The following RBMS2 variants were observed in gnomAD, a reference collection of about 807,000 sequenced individuals.
RBMS2 encodes RNA binding motif single stranded interacting protein 2.
RBMS2 carries 38 observed loss-of-function variants against 58.4 expected under a neutral mutation model. That is an observed-to-expected ratio of 0.65 (90% CI 0.50 to 0.85). The LOEUF (loss-of-function observed/expected upper bound fraction) is 0.85, where lower values mean the gene tolerates loss of function less well. RBMS2 is among the 40% of genes least tolerant of loss of function. RBMS2 has a pLI of 0.00. For missense variants in RBMS2, 367 were observed against 503.7 expected, an observed-to-expected ratio of 0.73 and a Z score of 2.60; for synonymous variants, 151 against 180.7, an observed-to-expected ratio of 0.84 and a Z score of 1.32.
At chr12:56,536,017 A>G (rs1592338057) in intron 1 of RBMS2, among the ~76,000 whole-genome samples, 2 of 151,972 alleles carry the variant, frequency 1.3e-5, no homozygotes, top group South Asian at 4.2e-4. Flanking sequence ...CCTAGCCAAC[A>G]TGGCGAAACC....
intron 5 of RBMS2, among the ~76,000 whole-genome samples, chr12:56,576,080 G>A (rs1883087060): frequency 6.6e-6 from 1 of 152,006 alleles, no homozygotes; most frequent in African/African-American, 2.4e-5. Flanking sequence ...GCTCATGTCT[G>A]TAATCCCAAC....
chr12:56,543,917 C>T (rs1048099957), intron 1 of RBMS2, among the ~76,000 whole-genome samples: 3 of 151,820 alleles, frequency 2.0e-5, no homozygotes, highest in Non-Finnish European at 4.4e-5. Flanking sequence ...ATCCGCCCAC[C>T]TCAGCCTCCC....
chr12:56,538,734 C>T (rs922052933), intron 1 of RBMS2, among the ~76,000 whole-genome samples: 2 of 151,824 alleles, frequency 1.3e-5, no homozygotes, highest in African/African-American at 4.8e-5. Flanking sequence ...CCCGCCTTGG[C>T]CTCCCAAAGT....
At chr12:56,522,569 A>G (rs1285725872) in intron 1 of RBMS2, among the ~76,000 whole-genome samples, 1 of 152,204 alleles carries the variant, frequency 6.6e-6, no homozygotes, top group Non-Finnish European at 1.5e-5. Context: ...ACAACAGTTT[A>G]TCAAGAGCTG....
intron 2 of RBMS2, 143 bp from the exon 3 acceptor site, chr12:56,568,832 C>T (rs955307712): frequency 3.7e-5 from 26 of 700,996 alleles, no homozygotes; most frequent in South Asian, 1.2e-4. Context: ...ACCCGGCCCC[C>T]GTTTCTTTTT....
intron 1 of RBMS2, among the ~76,000 whole-genome samples, chr12:56,534,289 T>C (rs909516727): frequency 3.3e-5 from 5 of 152,236 alleles, no homozygotes; most frequent in African/African-American, 9.6e-5. Flanking sequence ...TTGTGTTTGT[T>C]CATTTTTGCT....
chr12:56,528,495 A>C (rs1346320011), intron 1 of RBMS2, among the ~76,000 whole-genome samples: 6 of 152,178 alleles, frequency 3.9e-5, no homozygotes, highest in Non-Finnish European at 2.9e-5. Flanking sequence ...CAGAACCCAA[A>C]TAGAAAGTAG....
intron 1 of RBMS2, among the ~76,000 whole-genome samples, chr12:56,536,200 C>CAAA (rs71446560): frequency 1.6e-4 from 12 of 76,434 alleles, no homozygotes; most frequent in African/African-American, 6.4e-4. Flanking sequence ...AACTCTGTCT[C>CAAA]AAAAAAAAAA....
chr12:56,525,520 C>CATTT (rs1555186107), intron 1 of RBMS2, among the ~76,000 whole-genome samples: 10 of 152,072 alleles, frequency 6.6e-5, no homozygotes, highest in Middle Eastern at 3.4e-3. Flanking sequence ...CTGTCTGGCC[C>CATTT]ATTTATTTAT....
In RBMS2 at chr12:56,590,664, G is replaced by A. The variant is rs1328999051; in HGVS notation, c.*1531G>A. 1 of 152,208 alleles carries A rather than the reference G, an allele frequency of 6.6e-6. No homozygotes were observed. Among genetic ancestry groups the A allele is most frequent in the African/African-American group, 2.4e-5 (1 of 41,448 alleles). The allele number at this position is 152,208 out of a possible 1,614,324, so 9.4% of individuals were successfully genotyped here. A position where few individuals can be genotyped will look rare whatever the true frequency, so the allele number is the denominator to read the frequency against. On this transcript the variant is annotated 3_prime_UTR_variant, in exon 14 of 14. Transcript: ENST00000262031. ...GACTGGGATCCTTGAATTCTCCCCA[G>A]ACTTTGACTTTTGATAACTCTGCAT...
At chr12:56,573,724 A>G (rs1285210342) in intron 5 of RBMS2, among the ~76,000 whole-genome samples, 2 of 150,274 alleles carry the variant, frequency 1.3e-5, no homozygotes, top group Non-Finnish European at 3.0e-5. Context: ...TAACAGTTCA[A>G]TTTATTAAGT....
intron 1 of RBMS2, among the ~76,000 whole-genome samples, chr12:56,522,520 A>G (rs1565720723): frequency 1.3e-5 from 2 of 152,078 alleles, no homozygotes; most frequent in Non-Finnish European, 2.9e-5. Context: ...TACCACCAGT[A>G]GTATTAGATA....
chr12:56,553,323 T>G (rs140658880), intron 1 of RBMS2, among the ~76,000 whole-genome samples: 189 of 151,914 alleles, frequency 1.2e-3, no homozygotes, highest in African/African-American at 4.3e-3. Context: ...GGCTAATTTT[T>G]GTATTTCTTT....
chr12:56,536,249 G>A (rs1237744480), intron 1 of RBMS2, among the ~76,000 whole-genome samples: 1 of 150,586 alleles, frequency 6.6e-6, no homozygotes, highest in Non-Finnish European at 1.5e-5. Flanking sequence ...CTGGAAGGGC[G>A]AGGCAGGCAG....
intron 1 of RBMS2, among the ~76,000 whole-genome samples, chr12:56,546,163 G>C (rs971249288): frequency 3.3e-5 from 5 of 150,308 alleles, no homozygotes; most frequent in African/African-American, 9.7e-5. Context: ...TGTCGCCCAG[G>C]CTGGAGTGCA....
rs572173539 is a variant in RBMS2, at chr12:56,541,867, C to T, written c.66+19778C>T. On this transcript the variant is annotated intron_variant, in intron 1 of 13. Coordinates refer to ENST00000262031, the MANE Select transcript of RBMS2 (RefSeq NM_002898.4). ...AAGAAGGGAGGGGTGATATGCTAAA[C>T]GCTTGGCTGTCTACATTGAAAGAAA... Among the ~76,000 whole-genome samples the T allele has an allele frequency of 3.9e-5, 6 of 152,250 alleles. No homozygotes were observed. In the South Asian group the frequency reaches 1.2e-3, roughly 32 times the overall value.
intron 2 of RBMS2, among the ~76,000 whole-genome samples, chr12:56,568,539 C>CTTT: frequency 7.3e-6 from 1 of 136,084 alleles, no homozygotes; most frequent in Admixed American, 7.8e-5. Context: ...TCTTTTTTTT[C>CTTT]TTTTTTTTTT....
At position 56,550,843 on chromosome 12, in the gene RBMS2, A is replaced by G. The variant is rs1482846381; in HGVS notation, c.67-11574A>G. Among the ~76,000 whole-genome samples, 5 of 151,288 alleles carry G rather than the reference A, an allele frequency of 3.3e-5. No individual in the cohort carries two copies. The South Asian group carries it at 8.3e-4, about 25-fold the overall frequency. ...GGTGACAGAGCAAGACTCTGTATCA[A>G]AAAAATAAATAAATAAATAAATAAT... On this transcript the variant is annotated intron_variant, in intron 1 of 13. Coordinates refer to ENST00000262031, the MANE Select transcript of RBMS2 (RefSeq NM_002898.4).
intron 1 of RBMS2, among the ~76,000 whole-genome samples, chr12:56,543,412 G>GA (rs2136310684): frequency 7.6e-6 from 1 of 132,286 alleles, no homozygotes; most frequent in South Asian, 3.1e-4. Flanking sequence ...TTGAATCCAG[G>GA]AGGCAGAGAT....
Sources: gnomAD v4.1 joint callset for allele counts (sites outside exome capture counted in the v4.1 genomes callset) on GRCh38, gnomAD v4.1.1 for gene constraint, MANE v1.5 for transcripts, NCBI Gene and HGNC (gene_info 2026-07-23, HGNC 2026-07-21) for gene names.